QRICH2: variants seen among roughly 807,000 people sequenced by gnomAD.
QRICH2 encodes the protein glutamine-rich protein 2.
In QRICH2, 119 loss-of-function variants were observed where a neutral mutation model predicts 168.3. The observed-to-expected ratio is 0.71, with a 90% confidence interval of 0.61 to 0.82. The LOEUF (loss-of-function observed/expected upper bound fraction) is 0.82. QRICH2 is among the 40% of genes least tolerant of loss of function. QRICH2 has a pLI of 0.00. For synonymous variants in QRICH2, 894 were observed against 951.2 expected (o/e 0.94, Z 1.11); for missense variants, 2,241 against 2,491.6 (o/e 0.90, Z 2.14).
In QRICH2 at chr17:76,284,168, C is replaced by CAAAAAAAAAAAAAAAAAAAAAAAAA. The variant is rs61553346; in HGVS notation, c.4012-2078_4012-2054dup. ...GGGCAACAGAGCAAAACTCTGTCTC[C>CAAAAAAAAAAAAAAAAAAAAAAAAA]AAAAAAAAAAAAAAAAAAAAAAAAA... On this transcript the variant is annotated intron_variant, in intron 7 of 18. Coordinates refer to ENST00000680821, the MANE Select transcript of QRICH2 (RefSeq NM_001388453.1). Among the ~76,000 whole-genome samples, 2 of 62,744 alleles carry CAAAAAAAAAAAAAAAAAAAAAAAAA rather than the reference C, an allele frequency of 3.2e-5. 1 individual carries two copies. The highest frequency in any genetic ancestry group is 5.5e-5 in the Non-Finnish European group (2 of 36,370). The allele number at this position is 62,744 out of a possible 152,430, so 41.2% of individuals were successfully genotyped here.
In QRICH2 at chr17:76,291,672, ATTG is replaced by A; in HGVS notation, c.3052_3054del (p.Gln1018del). The A allele has an allele frequency of 1.2e-6, 2 of 1,614,092 alleles. No homozygotes were observed. The highest frequency in any genetic ancestry group is 2.2e-5 in the South Asian group (2 of 91,082). ...GCTAGGAGTGGTGACACCTGGCCGT[ATTG>A]TTCTCTGCCAGGAGGTACCATACCA... On this transcript the variant is annotated inframe_deletion, in exon 4 of 19. Transcript: ENST00000680821.
chr17:76,279,898 C>T (rs2070754609), intron 12 of QRICH2, 135 bp downstream of exon 12: 2 of 1,082,652 alleles, frequency 1.8e-6, no homozygotes, highest in Non-Finnish European at 2.6e-6. Flanking sequence ...AAATTCTGTC[C>T]CTCCAACCAT....
chr17:76,296,777 CAA>C (rs758967969), intron 3 of QRICH2, among the ~76,000 whole-genome samples: 1,183 of 90,758 alleles, frequency 0.013, 18 homozygotes, highest in African/African-American at 0.043. Flanking sequence ...GGCTCTGTCT[CAA>C]AAAAAAAAAA....
chr17:76,288,709 T>TA (rs1429523394), intron 5 of QRICH2, among the ~76,000 whole-genome samples: 96 of 142,844 alleles, frequency 6.7e-4, no homozygotes, highest in Non-Finnish European at 5.4e-4. Context: ...CGTCTCAATT[T>TA]AAAAAAAAAA....
chr17:76,279,942 G>C, intron 12 of QRICH2, 91 bp downstream of exon 12: 1 of 1,434,282 alleles, frequency 7.0e-7, no homozygotes, highest in Non-Finnish European at 9.4e-7. Flanking sequence ...CTGTGTGCTG[G>C]CAGGAGCTGT....
Position 76,278,209 on chromosome 17 carries a change from CAG to C in QRICH2, c.4917-22_4917-21del. On this transcript the variant is annotated intron_variant, in intron 14 of 18. Transcript: ENST00000680821. Reference sequence around the variant, plus strand: ...TTGAGGCTGCAGGGTGTGAGCAGAACAGAGGGAGGGTTGGCCCATGGCGGGGG... The same window carrying C: ...TTGAGGCTGCAGGGTGTGAGCAGAACAGGGAGGGTTGGCCCATGGCGGGGG... The C allele has an allele frequency of 6.3e-7, 1 of 1,599,620 alleles. No homozygotes were observed. The highest frequency in any genetic ancestry group is 8.5e-7 in the Non-Finnish European group (1 of 1,178,310).
chr17:76,293,917 C>A lies in QRICH2; in HGVS notation c.810G>T (p.Glu270Asp). ...SGDSTKQPSI[E>D]QALDSASGLG... Reference sequence around the variant, plus strand: ...GACCACTGGCAGAATCCAGAGCCTGCTCAATACTTGGTTGCTTGGTAGAGT... The same window carrying A: ...GACCACTGGCAGAATCCAGAGCCTGATCAATACTTGGTTGCTTGGTAGAGT... Residue 270 changes from glutamate (E) to aspartate (D), a missense_variant, in exon 4 of 19, where the codon GAG (glutamate) becomes GAT (aspartate). Transcript: ENST00000680821. The A allele has an allele frequency of 6.2e-7, 1 of 1,614,160 alleles. No individual in the cohort carries two copies. The highest frequency in any genetic ancestry group is 8.5e-7 in the Non-Finnish European group (1 of 1,180,030).
rs1042270822 is a variant in QRICH2, at chr17:76,291,877, A to G, written c.2850T>C (p.Asp950=). 1.9e-5 allele frequency: 31 copies of G among 1,614,054 alleles called. No homozygotes were observed. Among genetic ancestry groups the G allele is most frequent in the Non-Finnish European group, 2.6e-5 (31 of 1,180,040 alleles). ...GTGGATATGTCCCAGATTGAGATAA[A>G]TCATGCAAATATGCACCAGGTTGTA... is the stretch of plus-strand genomic sequence containing the variant. ...GLVQPGAYLH[D]LSQSGTYPRG... Residue 950 remains aspartate (D), a synonymous_variant, in exon 4 of 19, where the codon GAT becomes GAC. Coordinates refer to ENST00000680821, the MANE Select transcript of QRICH2 (RefSeq NM_001388453.1).
Position 76,292,782 on chromosome 17 carries a change from C to A in QRICH2, c.1945G>T (p.Asp649Tyr). The A allele has an allele frequency of 6.2e-7, 1 of 1,613,836 alleles. No homozygotes were observed. The highest frequency in any genetic ancestry group is 8.5e-7 in the Non-Finnish European group (1 of 1,180,002). The part of the protein sequence containing the change: ...GLIQPGTGQH[D>Y]LVQSGTGQGV... The stretch of plus-strand genomic sequence containing the variant: ...TGACCTGTGCCAGATTGGACCAAAT[C>A]ATGCTGACCTGTGCCAGGCTGGATC... The change falls in exon 4 of 19, where the codon GAT becomes TAT. Residue 649 changes from aspartate to tyrosine, a missense_variant. Transcript: ENST00000680821.
intron 15 of QRICH2, 100 bp downstream of exon 15, chr17:76,277,889 C>A (rs1404563426): frequency 7.6e-7 from 1 of 1,307,282 alleles, no homozygotes; most frequent in South Asian, 1.2e-5. Context: ...CCTTTTCTCC[C>A]CCAGCAGTGG....
chr17:76,308,150 C>G lies in QRICH2; in HGVS notation c.-152G>C, dbSNP rs2071020632. 1 of 985,394 alleles carries G rather than the reference C, an allele frequency of 1.0e-6. No individual in the cohort carries two copies. Among genetic ancestry groups the G allele is most frequent in the South Asian group, 4.7e-5 (1 of 21,290 alleles). The allele number at this position is 985,394 out of a possible 1,614,324, so 61.0% of individuals were successfully genotyped here. A position where few individuals can be genotyped will look rare whatever the true frequency, so the allele number is the denominator to read the frequency against. On this transcript the variant is annotated 5_prime_UTR_variant, in exon 1 of 19. Transcript: ENST00000680821. ...GCCGAGTCACTGGACAGAGCTCCTG[C>G]CTCCAGGGAATCTGCGCCTCCGCTC...
rs767293019 is a variant in QRICH2, at chr17:76,291,772, G to C, written c.2955C>G (p.Gly985=). The change falls in exon 4 of 19, where the codon GGC becomes GGG. Residue 985 remains glycine, a synonymous_variant. Transcript: ENST00000680821. ...ATGTTGAAGAGCCACGAAGCTTTGT[G>C]CCTGGTGCTATCAAGCCTGGCTGAT... ...GAYQPGLIAP[G]TKLRGSSTFQ... is the part of the protein sequence containing the mutation. The C allele has an allele frequency of 2.5e-6, 4 of 1,614,062 alleles. No individual in the cohort carries two copies. Among genetic ancestry groups the C allele is most frequent in the Non-Finnish European group, 3.4e-6 (4 of 1,180,040 alleles).
In QRICH2 at chr17:76,274,254, G is replaced by A. The variant is rs369679056; in HGVS notation, c.5489C>T (p.Ser1830Phe). 8.6e-5 allele frequency: 137 copies of A among 1,589,008 alleles called. No homozygotes were observed. The highest frequency in any genetic ancestry group is 3.3e-4 in the Middle Eastern group (2 of 5,984). ...GGAAGGTCTATCTTTCTGTTGACGAGAAGAAACTGTAAGACAGGGGTGCTG... is the reference window on the plus strand; with the variant it reads ...GGAAGGTCTATCTTTCTGTTGACGAAAAGAAACTGTAAGACAGGGGTGCTG... ...QISAGNTSVS[S>F]RQQKDRPSSE... Residue 1830 changes from serine (S) to phenylalanine (F), a missense_variant, in exon 19 of 19, where the codon TCT becomes TTT. Physicochemically the swap from Ser to Phe is radical, Grantham distance 155. Around this residue, in one of 3 missense-constraint regions of QRICH2, gnomAD observed 189 missense variants for 169.3 expected, o/e 1.12. Coordinates refer to ENST00000680821, the MANE Select transcript of QRICH2 (RefSeq NM_001388453.1).
At chr17:76,279,778 C>G (rs534944599) in intron 12 of QRICH2, among the ~76,000 whole-genome samples, 32 of 152,344 alleles carry the variant, frequency 2.1e-4, no homozygotes, top group Admixed American at 1.2e-3. Flanking sequence ...TCTCCCTGTC[C>G]CAAAGGCCCA....
intron 3 of QRICH2, among the ~76,000 whole-genome samples, chr17:76,303,872 C>CAAAA (rs67296304): frequency 6.7e-4 from 48 of 71,622 alleles, no homozygotes; most frequent in African/African-American, 2.2e-3. Context: ...AACTCTGTCT[C>CAAAA]AAAAAAAAAA....
chr17:76,295,084 A>G (rs1304215922), intron 3 of QRICH2, among the ~76,000 whole-genome samples: 1 of 150,682 alleles, frequency 6.6e-6, no homozygotes, highest in Admixed American at 6.6e-5. Context: ...AAATAAATAA[A>G]TAAATAAATA....
rs144823276 is a variant in QRICH2 at position 76,275,855 on chromosome 17, G to A, written c.5446C>T (p.Pro1816Ser). 6.8e-5 allele frequency: 110 copies of A among 1,607,780 alleles called. No homozygotes were observed. The African/African-American group carries it at 1.4e-3, about 21-fold the overall frequency. ...CCAGCCGAAATCTGGGCGCTCTGTG[G>A]CCGAGAGGGCAGCTGGCCATTGCTG... is the stretch of plus-strand genomic sequence containing the variant. ...LSSNGQLPSR[P>S]QSAQISAGNT... The change falls in exon 18 of 19, where the codon CCA becomes TCA. Residue 1816 changes from proline to serine, a missense_variant. Physicochemically the swap from Pro to Ser is moderately conservative, Grantham distance 74. Coordinates refer to ENST00000680821, the MANE Select transcript of QRICH2 (RefSeq NM_001388453.1).
Position 76,280,198 on chromosome 17 carries a change from GTA to G in QRICH2, c.4627-46_4627-45del. ...GGCCAGGGGACCTCTAAGGAAGCAG[GTA>G]GGGGGCTGACCCAGGAGAAGGTGGT... is the stretch of plus-strand genomic sequence containing the variant. On this transcript the variant is annotated intron_variant, in intron 11 of 18. Transcript: ENST00000680821. This position sits in a 1 kb window ranked among gnomAD's most constrained non-coding sequence, Gnocchi z 7.4. 6.2e-7 allele frequency: 1 copy of G among 1,608,460 alleles called. No homozygotes were observed.
At position 76,293,896 on chromosome 17, in the gene QRICH2, A is replaced by T. The variant is rs759856315; in HGVS notation, c.831T>A (p.Ser277Arg). 2 of 1,614,122 alleles carry T rather than the reference A, an allele frequency of 1.2e-6. No individual in the cohort carries two copies. The highest frequency in any genetic ancestry group is 1.7e-6 in the Non-Finnish European group (2 of 1,180,020). ...PSIEQALDSA[S>R]GLGPDRTASG... ...ATGCAGTCCGATCCGGGCCAAGACC[A>T]CTGGCAGAATCCAGAGCCTGCTCAA... Residue 277 changes from serine to arginine, a missense_variant, in exon 4 of 19, where the codon AGT becomes AGA. Transcript: ENST00000680821.
Sources: allele counts gnomAD v4.1 joint callset (sites outside exome capture counted in the v4.1 genomes callset), GRCh38; gene constraint gnomAD v4.1.1; regional missense constraint gnomAD v4.1.1; non-coding constraint Gnocchi (gnomAD v3.1); transcripts MANE v1.5; gene names NCBI Gene and HGNC (gene_info 2026-07-23, HGNC 2026-07-21).